Variants in SKAP2 observed in about 807,000 individuals in gnomAD.
The protein encoded by SKAP2 is src kinase-associated phosphoprotein 2.
In SKAP2, 28 loss-of-function variants were observed where a neutral mutation model predicts 54.9. The observed-to-expected ratio is 0.51, with a 90% CI of 0.38 to 0.70. The LOEUF is 0.70. Ranked by LOEUF, SKAP2 falls within the 30% of genes least tolerant of loss-of-function variation. The pLI, the probability that SKAP2 is intolerant of heterozygous loss-of-function variation, is 0.00. For missense variants in SKAP2, 356 were observed against 424.1 expected (o/e 0.84, Z 1.41); for synonymous variants, 137 against 134.3 (o/e 1.02, Z -0.14).
At position 26,851,328 on chromosome 7, in the gene SKAP2, C is replaced by T. The variant is rs532333969; in HGVS notation, c.199+2809G>A. 6.4e-4 allele frequency among the ~76,000 whole-genome samples: 97 copies of T among 151,396 alleles called. 1 individual carries two copies. Among genetic ancestry groups the T allele is most frequent in the African/African-American group, 2.2e-3 (92 of 41,244 alleles). On this transcript the variant is annotated intron_variant, in intron 3 of 12. Coordinates refer to ENST00000345317, the MANE Select transcript of SKAP2 (RefSeq NM_003930.5). ...TATAGTTCCATCTACTATATAGTTC[C>T]ATCTACTCCAGAGGCTGAGGTGGAA...
At chr7:26,794,300 T>G (rs1021215744) in intron 4 of SKAP2, among the ~76,000 whole-genome samples, 2 of 152,224 alleles carry the variant, frequency 1.3e-5, no homozygotes, top group African/African-American at 4.8e-5. Context: ...GACACCCTGA[T>G]AGCAATAACT....
chr7:26,812,101 A>T (rs1784159178), intron 4 of SKAP2, among the ~76,000 whole-genome samples: 1 of 152,206 alleles, frequency 6.6e-6, no homozygotes, highest in South Asian at 2.1e-4. Flanking sequence ...ATGTTAACCG[A>T]AATTGCAAAG....
chr7:26,757,629 T>C (rs1254175078), intron 4 of SKAP2, among the ~76,000 whole-genome samples: 1 of 152,208 alleles, frequency 6.6e-6, no homozygotes, highest in Non-Finnish European at 1.5e-5. Context: ...CTTTGTTCTT[T>C]TGGCTTAGGA....
chr7:26,670,114 T>A lies in SKAP2; in HGVS notation c.1066A>T (p.Met356Leu). 2 of 1,493,090 alleles carry A rather than the reference T, an allele frequency of 1.3e-6. No homozygotes were observed. Among genetic ancestry groups the A allele is most frequent in the Non-Finnish European group, 1.9e-6 (2 of 1,069,736 alleles). The allele number at this position is 1,493,090 out of a possible 1,614,324, so 92.5% of individuals were successfully genotyped here. A position where few individuals can be genotyped will look rare whatever the true frequency, so the allele number is the denominator to read the frequency against. ...GLVPKAYIME[M>L]YDI ...ACCCAGGACTCTCAAATATCATACATCTCCATTATGTAGGCTTTAGGCACC... is the reference window on the plus strand; with the variant it reads ...ACCCAGGACTCTCAAATATCATACAACTCCATTATGTAGGCTTTAGGCACC... The change falls in exon 12 of 13, where the codon ATG (methionine) becomes TTG (leucine). Residue 356 changes from methionine (M) to leucine (L), a missense_variant. Physicochemically the swap from Met to Leu is conservative, Grantham distance 15. Transcript: ENST00000345317.
intron 4 of SKAP2, among the ~76,000 whole-genome samples, chr7:26,805,242 TC>T (rs1274704383): frequency 6.6e-6 from 1 of 152,230 alleles, no homozygotes; most frequent in African/African-American, 2.4e-5. Context: ...GACTATGATG[TC>T]ATATATGTAC....
At chr7:26,671,719 G>T (rs1398011293) in intron 11 of SKAP2, among the ~76,000 whole-genome samples, 2 of 152,132 alleles carry the variant, frequency 1.3e-5, no homozygotes, top group Middle Eastern at 3.4e-3. Flanking sequence ...CATTGATAGT[G>T]TGAACTTAGT....
chr7:26,748,532 C>T (rs554791884), intron 4 of SKAP2, among the ~76,000 whole-genome samples: 53 of 152,100 alleles, frequency 3.5e-4, no homozygotes, highest in African/African-American at 1.2e-3. Flanking sequence ...CAAATTTTGC[C>T]TGCCACATAA....
At chr7:26,805,787 G>A (rs1433785894) in intron 4 of SKAP2, among the ~76,000 whole-genome samples, 1 of 152,220 alleles carries the variant, frequency 6.6e-6, no homozygotes, top group Non-Finnish European at 1.5e-5. Context: ...AGAAATGTGA[G>A]AATAAAAGGT....
intron 4 of SKAP2, among the ~76,000 whole-genome samples, chr7:26,806,846 T>C (rs774673739): frequency 2.0e-4 from 30 of 152,102 alleles, no homozygotes; most frequent in Admixed American, 4.6e-4. Flanking sequence ...AGAAGAAAAG[T>C]TGAAATCTAG....
At chr7:26,784,562 T>C (rs2127979349) in intron 4 of SKAP2, among the ~76,000 whole-genome samples, 1 of 152,340 alleles carries the variant, frequency 6.6e-6, no homozygotes, top group East Asian at 1.9e-4. Context: ...TGATGAATCA[T>C]TCATATTTAT....
intron 4 of SKAP2, among the ~76,000 whole-genome samples, chr7:26,790,631 T>C (rs1335826444): frequency 6.6e-6 from 1 of 152,224 alleles, no homozygotes; most frequent in African/African-American, 2.4e-5. Context: ...AATAAAACAT[T>C]TTATATTTCA....
intron 9 of SKAP2, among the ~76,000 whole-genome samples, chr7:26,713,221 A>C (rs139267602): frequency 6.6e-6 from 1 of 152,210 alleles, no homozygotes; most frequent in South Asian, 2.1e-4. Flanking sequence ...TTTATCCAAA[A>C]GGCTTCAGTT....
At chr7:26,852,642 T>G (rs1169584527) in intron 3 of SKAP2, among the ~76,000 whole-genome samples, 1 of 152,166 alleles carries the variant, frequency 6.6e-6, no homozygotes, top group East Asian at 1.9e-4. Flanking sequence ...AGAATGTATC[T>G]CAGTAATGTA....
At chr7:26,836,175 C>G (rs1296943270) in intron 4 of SKAP2, among the ~76,000 whole-genome samples, 3 of 152,176 alleles carry the variant, frequency 2.0e-5, no homozygotes, top group African/African-American at 7.2e-5. Flanking sequence ...TTCCTTACAT[C>G]TTATACAAAA....
At chr7:26,770,816 T>G (rs1056148235) in intron 4 of SKAP2, among the ~76,000 whole-genome samples, 2 of 152,260 alleles carry the variant, frequency 1.3e-5, no homozygotes, top group South Asian at 4.1e-4. Context: ...TGAGATAAGC[T>G]GGGTACTTCA....
intron 9 of SKAP2, among the ~76,000 whole-genome samples, chr7:26,695,343 T>A (rs1022335528): frequency 2.0e-5 from 3 of 152,216 alleles, no homozygotes; most frequent in Admixed American, 1.3e-4. Flanking sequence ...GCTTAAATGT[T>A]CACATTATAT....
chr7:26,847,417 G>A (rs1784946844), intron 3 of SKAP2, among the ~76,000 whole-genome samples: 1 of 151,752 alleles, frequency 6.6e-6, no homozygotes, highest in Non-Finnish European at 1.5e-5. Context: ...CTGAACGCAG[G>A]GGTTACTGTT....
At chr7:26,852,600 A>G (rs1020009133) in intron 3 of SKAP2, among the ~76,000 whole-genome samples, 2 of 152,206 alleles carry the variant, frequency 1.3e-5, no homozygotes, top group Non-Finnish European at 2.9e-5. Context: ...TCTATCAAAT[A>G]CCATATAAAT....
rs549696941 is a variant in SKAP2 at position 26,702,503 on chromosome 7, C to T, written c.797-12141G>A. Among the ~76,000 whole-genome samples, 4 of 152,238 alleles carry T rather than the reference C, an allele frequency of 2.6e-5. No homozygotes were observed. The South Asian group carries it at 6.2e-4, about 24-fold the overall frequency. On this transcript the variant is annotated intron_variant, in intron 9 of 12. Coordinates refer to ENST00000345317, the MANE Select transcript of SKAP2 (RefSeq NM_003930.5). ...GATGATAATGATTGTTTATTGCTCT[C>T]TCTCCCCTTCTCTATATTCTTAGTG... is the stretch of plus-strand genomic sequence containing the variant.
Sources: gnomAD v4.1 joint callset for allele counts (sites outside exome capture counted in the v4.1 genomes callset) on GRCh38, gnomAD v4.1.1 for gene constraint, MANE v1.5 for transcripts, NCBI Gene and HGNC (gene_info 2026-07-23, HGNC 2026-07-21) for gene names.